The following NELL1 variants were observed in gnomAD, a reference collection of about 807,000 sequenced individuals.
NELL1 encodes neural EGFL like 1, also known as protein kinase C-binding protein NELL1.
A neutral mutation model predicts 107.4 loss-of-function variants in NELL1; 76 were observed. The ratio of observed to expected loss-of-function variants is 0.71; its 90% CI spans 0.59 to 0.86. The LOEUF (loss-of-function observed/expected upper bound fraction) is 0.86. Ranked by LOEUF, NELL1 falls within the 40% of genes least tolerant of loss-of-function variation. The pLI, the probability that NELL1 is intolerant of heterozygous loss-of-function variation, is 0.00. For missense variants in NELL1, 1,024 were observed against 1,005.5 expected (o/e 1.02, Z -0.25); for synonymous variants, 353 against 341.2 (o/e 1.03, Z -0.38).
Position 20,988,644 on chromosome 11 carries a change from G to A in NELL1, c.1300+28084G>A, listed in dbSNP as rs536652919. Among the ~76,000 whole-genome samples the A allele has an allele frequency of 1.2e-3, 186 of 151,508 alleles. 1 individual carries two copies. The highest frequency in any genetic ancestry group is 4.4e-3 in the African/African-American group (183 of 41,314). ...GAGACGCTGTCACCCAGGCTGGAGTGCAGTGGCATGATCTTGACTCACTGC... is the reference window on the plus strand; with the variant it reads ...GAGACGCTGTCACCCAGGCTGGAGTACAGTGGCATGATCTTGACTCACTGC... On this transcript the variant is annotated intron_variant, in intron 12 of 19. Coordinates refer to ENST00000357134, the MANE Select transcript of NELL1 (RefSeq NM_006157.5).
At chr11:21,216,181 G>A (rs1261529524) in intron 13 of NELL1, among the ~76,000 whole-genome samples, 2 of 152,172 alleles carry the variant, frequency 1.3e-5, no homozygotes, top group Non-Finnish European at 2.9e-5. Context: ...TGTTAAGCCT[G>A]TAGGTGCACA....
intron 15 of NELL1, among the ~76,000 whole-genome samples, chr11:21,372,498 A>G (rs964933650): frequency 2.0e-5 from 3 of 152,074 alleles, no homozygotes; most frequent in African/African-American, 7.2e-5. Flanking sequence ...TATTACTCTT[A>G]TATGTAATCA....
intron 12 of NELL1, among the ~76,000 whole-genome samples, chr11:21,012,050 T>C (rs1490813515): frequency 2.0e-5 from 3 of 152,084 alleles, no homozygotes; most frequent in Non-Finnish European, 4.4e-5. Flanking sequence ...ACTTTTTGGG[T>C]TAAGACCTGT....
chr11:21,568,788 C>G (rs1193197380), intron 17 of NELL1, among the ~76,000 whole-genome samples: 8 of 151,642 alleles, frequency 5.3e-5, no homozygotes, highest in African/African-American at 1.9e-4. Context: ...ATAACACGCA[C>G]AGAGCTATCA....
rs1565122814 is a variant in NELL1, at chr11:21,232,179, A to ATATATATATATATATATATAT, written c.1549+2725_1549+2726insTATATATATATATATATATAT. On this transcript the variant is annotated intron_variant, in intron 14 of 19. Transcript: ENST00000357134. Reference sequence around the variant, plus strand: ...AAAAAAATATATATATATATATATAAATTAGCTGGGCGTGGTGGTGTCCAC... The same window carrying ATATATATATATATATATATAT: ...AAAAAAATATATATATATATATATAATATATATATATATATATATATATTAGCTGGGCGTGGTGGTGTCCAC... 2.6e-3 allele frequency among the ~76,000 whole-genome samples: 286 copies of ATATATATATATATATATATAT among 111,214 alleles called. 6 individuals carry two copies. The highest frequency in any genetic ancestry group is 4.8e-3 in the Admixed American group (50 of 10,334). The allele number at this position is 111,214 out of a possible 152,430, so 73.0% of individuals were successfully genotyped here. A position where few individuals can be genotyped will look rare whatever the true frequency, so the allele number is the denominator to read the frequency against.
intron 14 of NELL1, among the ~76,000 whole-genome samples, chr11:21,300,370 A>G (rs1035829945): frequency 6.6e-6 from 1 of 152,006 alleles, no homozygotes; most frequent in African/African-American, 2.4e-5. Context: ...GAAGGTAGGG[A>G]CAAGTGAGGT....
intron 15 of NELL1, among the ~76,000 whole-genome samples, chr11:21,398,372 C>T (rs1305301715): frequency 2.0e-5 from 3 of 151,684 alleles, no homozygotes; most frequent in Non-Finnish European, 4.4e-5. Flanking sequence ...ATCTGAAAAC[C>T]TTGTGTGATT....
At position 20,954,822 on chromosome 11, in the gene NELL1, G is replaced by A. The variant is rs371974552; in HGVS notation, c.1172-5610G>A. Among the ~76,000 whole-genome samples the A allele has an allele frequency of 9.2e-5, 14 of 152,204 alleles. No individual in the cohort carries two copies. In the East Asian group the frequency reaches 2.1e-3, roughly 23 times the overall value. On this transcript the variant is annotated intron_variant, in intron 11 of 19. Transcript: ENST00000357134. ...CTTGAAATACAATTTACTCAACTCC[G>A]GGCATCATGATTTGACATGGTACAT...
At chr11:20,991,386 C>G (rs935305438) in intron 12 of NELL1, among the ~76,000 whole-genome samples, 1 of 152,118 alleles carries the variant, frequency 6.6e-6, no homozygotes, top group African/African-American at 2.4e-5. Flanking sequence ...TTATTGAGTG[C>G]CTTCTAAAAT....
chr11:21,159,000 A>T (rs761837495), intron 13 of NELL1, among the ~76,000 whole-genome samples: 2 of 152,154 alleles, frequency 1.3e-5, no homozygotes, highest in Non-Finnish European at 2.9e-5. Flanking sequence ...AGCATGCATA[A>T]TGCTGCCGAT....
intron 16 of NELL1, among the ~76,000 whole-genome samples, chr11:21,542,080 A>C (rs1856305295): frequency 6.6e-6 from 1 of 152,094 alleles, no homozygotes; most frequent in Admixed American, 6.6e-5. Flanking sequence ...TGTTATTTTC[A>C]TTAACCGAAC....
chr11:21,377,793 C>T (rs1851514822), intron 15 of NELL1, among the ~76,000 whole-genome samples: 2 of 152,162 alleles, frequency 1.3e-5, no homozygotes, highest in East Asian at 1.9e-4. Flanking sequence ...GGAATTCATC[C>T]ATTTCCTCTA....
At chr11:20,857,411 G>T (rs1468827800) in intron 4 of NELL1, among the ~76,000 whole-genome samples, 1 of 152,180 alleles carries the variant, frequency 6.6e-6, no homozygotes, top group Non-Finnish European at 1.5e-5. Context: ...GGCATAGCTG[G>T]CAGGAGAAGG....
chr11:21,097,420 A>G (rs945110472), intron 12 of NELL1, among the ~76,000 whole-genome samples: 4 of 152,174 alleles, frequency 2.6e-5, no homozygotes, highest in Admixed American at 6.5e-5. Context: ...GGGGGTTTTT[A>G]TATCCTGGAC....
At chr11:21,016,458 T>C (rs1413792350) in intron 12 of NELL1, among the ~76,000 whole-genome samples, 1 of 152,086 alleles carries the variant, frequency 6.6e-6, no homozygotes, top group Admixed American at 6.5e-5. Context: ...CCACCACCTT[T>C]CTAGTCTCTT....
chr11:21,269,657 C>G (rs1422276304), intron 14 of NELL1, among the ~76,000 whole-genome samples: 1 of 151,994 alleles, frequency 6.6e-6, no homozygotes, highest in Non-Finnish European at 1.5e-5. Flanking sequence ...GGTTTTGTGC[C>G]AAGCAGACCT....
At chr11:21,571,506 T>A (rs1260069317) in intron 18 of NELL1, among the ~76,000 whole-genome samples, 1 of 151,840 alleles carries the variant, frequency 6.6e-6, no homozygotes, top group Non-Finnish European at 1.5e-5. Flanking sequence ...TTACAAAGAT[T>A]ACAAGATATG....
chr11:20,720,493 C>T (rs1564878856), intron 2 of NELL1, among the ~76,000 whole-genome samples: 1 of 152,126 alleles, frequency 6.6e-6, no homozygotes, highest in Non-Finnish European at 1.5e-5. Context: ...AGACATGAGC[C>T]ACTGTGCCCA....
At chr11:21,129,454 G>C (rs963157308) in intron 13 of NELL1, among the ~76,000 whole-genome samples, 3 of 152,156 alleles carry the variant, frequency 2.0e-5, no homozygotes, top group Non-Finnish European at 4.4e-5. Flanking sequence ...AGAGATATTT[G>C]CACACTCATA....
Sources: gnomAD v4.1 joint callset for allele counts (sites outside exome capture counted in the v4.1 genomes callset) on GRCh38, gnomAD v4.1.1 for gene constraint, MANE v1.5 for transcripts, NCBI Gene and HGNC (gene_info 2026-07-23, HGNC 2026-07-21) for gene names.